Variants in DPP6 observed in about 807,000 individuals in gnomAD.
The protein encoded by DPP6 is A-type potassium channel modulatory protein DPP6.
A neutral mutation model predicts 122.6 loss-of-function variants in DPP6; 69 were observed. The ratio of observed to expected loss-of-function variants is 0.56; its 90% confidence interval spans 0.46 to 0.69. DPP6 has a LOEUF of 0.69. Ranked by LOEUF, DPP6 falls within the 30% of genes least tolerant of loss-of-function variation. The pLI is 0.00. For missense variants in DPP6, 928 were observed against 1,116.9 expected, an observed-to-expected ratio of 0.83 and a Z score of 2.41; for synonymous variants, 418 against 433.1, an observed-to-expected ratio of 0.97 and a Z score of 0.43.
chr7:154,014,234 G>A (rs1798291911), intron 1 of DPP6, among the ~76,000 whole-genome samples: 1 of 147,954 alleles, frequency 6.8e-6, no homozygotes, highest in Non-Finnish European at 1.5e-5. Context: ...TTAGAGGCAA[G>A]AATACTTCTC....
At chr7:154,888,661 C>G (rs1354025867) in intron 23 of DPP6, among the ~76,000 whole-genome samples, 1 of 152,132 alleles carries the variant, frequency 6.6e-6, no homozygotes, top group African/African-American at 2.4e-5. Context: ...TTCCTTTTTC[C>G]CTTCTTCTCT....
chr7:154,561,953 G>T (rs887978281), intron 4 of DPP6, among the ~76,000 whole-genome samples: 1 of 152,084 alleles, frequency 6.6e-6, no homozygotes, highest in South Asian at 2.1e-4. Context: ...TAGTTTAAAA[G>T]CCCCACATAT....
the DPP6 span, among the ~76,000 whole-genome samples, chr7:153,775,435 A>G: frequency 1.3e-5 from 2 of 151,502 alleles, no homozygotes; most frequent in African/African-American, 4.8e-5. Context: ...AGTTACAGCT[A>G]ACATAATTCT....
intron 10 of DPP6, among the ~76,000 whole-genome samples, chr7:154,776,491 G>T (rs1796580894): frequency 6.6e-6 from 1 of 151,998 alleles, no homozygotes. Context: ...TCATCCCAGT[G>T]GAATTTTTAG....
the DPP6 span, among the ~76,000 whole-genome samples, chr7:153,792,225 T>C: frequency 1.3e-5 from 2 of 152,238 alleles, no homozygotes; most frequent in African/African-American, 4.8e-5. Context: ...TCCTCTTCAT[T>C]TCCATTTCCA....
intron 1 of DPP6, among the ~76,000 whole-genome samples, chr7:154,316,308 A>G (rs1262434557): frequency 1.3e-5 from 2 of 152,206 alleles, no homozygotes; most frequent in Non-Finnish European, 2.9e-5. Context: ...CCATGCATCA[A>G]CATTCAGTCT....
At chr7:153,855,270 TA>T in the DPP6 span, among the ~76,000 whole-genome samples, 2,860 of 145,250 alleles carry the variant, frequency 0.02, 54 homozygotes, top group African/African-American at 0.05. Context: ...ATAATACCTA[TA>T]AAAAAAATAT....
chr7:153,790,616 C>CAA, the DPP6 span, among the ~76,000 whole-genome samples: 7 of 152,236 alleles, frequency 4.6e-5, no homozygotes, highest in African/African-American at 1.7e-4. Flanking sequence ...TAAAATGTTT[C>CAA]CGTTGATACT....
At chr7:154,516,975 T>C (rs1319078348) in intron 3 of DPP6, among the ~76,000 whole-genome samples, 3 of 152,232 alleles carry the variant, frequency 2.0e-5, no homozygotes, top group Non-Finnish European at 4.4e-5. Flanking sequence ...TTTTCTGTTA[T>C]CTTTTTTTAT....
chr7:154,547,776 CT>C (rs1328504991), intron 4 of DPP6, among the ~76,000 whole-genome samples: 2 of 149,854 alleles, frequency 1.3e-5, no homozygotes. Flanking sequence ...CTTTTTTTTT[CT>C]TTTGTCTTTC....
upstream of DPP6, among the ~76,000 whole-genome samples, chr7:153,884,784 A>C (rs563543015): frequency 1.2e-3 from 176 of 152,106 alleles, no homozygotes; most frequent in Admixed American, 2.0e-3. Context: ...GTTTGGGACC[A>C]GCATGACCAA....
the DPP6 span, among the ~76,000 whole-genome samples, chr7:153,848,113 C>A: frequency 6.6e-6 from 1 of 152,174 alleles, no homozygotes; most frequent in African/African-American, 2.4e-5. Flanking sequence ...ACTCAGACAT[C>A]AAGGATGCCA....
At chr7:154,593,392 C>T (rs967983782) in intron 5 of DPP6, among the ~76,000 whole-genome samples, 6 of 152,136 alleles carry the variant, frequency 3.9e-5, no homozygotes, top group South Asian at 2.1e-4. Context: ...TTCTTTTCTA[C>T]GAATCTTTGA....
the DPP6 span, among the ~76,000 whole-genome samples, chr7:153,775,099 G>A: frequency 8.8e-5 from 13 of 147,854 alleles, no homozygotes; most frequent in Non-Finnish European, 1.6e-4. Context: ...AAGATTAAAA[G>A]AGAACTAAAA....
chr7:154,793,964 C>T (rs1797846367), intron 10 of DPP6, 115 bp from the exon 11 acceptor site: 5 of 1,457,330 alleles, frequency 3.4e-6, no homozygotes, highest in Non-Finnish European at 4.6e-6. Flanking sequence ...GCTGTGTCAC[C>T]ACTGGCTCCG....
At chr7:153,818,552 G>T in the DPP6 span, among the ~76,000 whole-genome samples, 72 of 152,178 alleles carry the variant, frequency 4.7e-4, no homozygotes, top group African/African-American at 1.0e-3. Context: ...ACAAAATTAG[G>T]TTGCAAGATA....
intron 1 of DPP6, among the ~76,000 whole-genome samples, chr7:153,998,448 C>G (rs1231681252): frequency 6.6e-6 from 1 of 152,256 alleles, no homozygotes; most frequent in Admixed American, 6.5e-5. Context: ...GCTGTCATCC[C>G]AGACCCTTAA....
chr7:154,621,311 T>C (rs1351437287), intron 5 of DPP6, among the ~76,000 whole-genome samples: 2 of 152,224 alleles, frequency 1.3e-5, no homozygotes, highest in Non-Finnish European at 2.9e-5. Context: ...GTGTAATTAG[T>C]TGACCGAGAG....
At position 154,459,968 on chromosome 7, in the gene DPP6, C is replaced by T. The variant is rs1821148198; in HGVS notation, c.358+13640C>T. Among the ~76,000 whole-genome samples the T allele has an allele frequency of 2.9e-5, 4 of 136,490 alleles. 1 individual carries two copies. The highest frequency in any genetic ancestry group is 4.3e-3 in the Middle Eastern group (1 of 234). The allele number at this position is 136,490 out of a possible 152,430, so 89.5% of individuals were successfully genotyped here. A position where few individuals can be genotyped will look rare whatever the true frequency, so the allele number is the denominator to read the frequency against. ...TGATTTAAGTCTTCTGATATTTATT[C>T]ATGTGCTTTTTTTTTTTTTTTTTTT... On this transcript the variant is annotated intron_variant, in intron 2 of 25. Coordinates refer to ENST00000377770, the MANE Select transcript of DPP6 (RefSeq NM_130797.4).
Sources: gnomAD v4.1 joint callset for allele counts (sites outside exome capture counted in the v4.1 genomes callset) on GRCh38, gnomAD v4.1.1 for gene constraint, MANE v1.5 for transcripts, NCBI Gene and HGNC (gene_info 2026-07-23, HGNC 2026-07-21) for gene names.